The following KIF2A variants were observed in gnomAD, a reference collection of about 807,000 sequenced individuals.
The protein encoded by KIF2A is kinesin family member 2A, also known as kinesin-like protein KIF2A.
Under a neutral mutation model 100.2 loss-of-function variants are expected in KIF2A, and 22 were observed. The ratio of observed to expected loss-of-function variants is 0.22; its 90% confidence interval spans 0.16 to 0.31. KIF2A has a LOEUF of 0.31. Ranked by LOEUF, KIF2A falls within the 10% of genes least tolerant of loss-of-function variation. The pLI, the probability that KIF2A is intolerant of heterozygous loss-of-function variation, is 1.00. For missense variants in KIF2A, 495 were observed against 898.7 expected (o/e 0.55, Z 5.74); for synonymous variants, 268 against 285.9 (o/e 0.94, Z 0.63).
In KIF2A at chr5:62,361,401, T is replaced by C. The variant is rs247265; in HGVS notation, c.964-65T>C. ...TTCTTTTCCTTATAGCTTAATTCTG[T>C]GAACTAAATTCTTAAGAGTTATTCC... On this transcript the variant is annotated intron_variant, in intron 10 of 20. Coordinates refer to ENST00000407818, the MANE Select transcript of KIF2A (RefSeq NM_001098511.3). The C allele has an allele frequency of 0.43, 612,974 of 1,419,922 alleles. 136,462 individuals are homozygous for C. The highest frequency in any genetic ancestry group is 0.64 in the African/African-American group (45,479 of 70,542). The allele number at this position is 1,419,922 out of a possible 1,614,324, so 88.0% of individuals were successfully genotyped here.
In KIF2A at chr5:62,390,774, C is replaced by G. The variant is rs934355822; in HGVS notation, c.*5205C>G. 1.6e-5 allele frequency: 15 copies of G among 925,478 alleles called. No homozygotes were observed. In the African/African-American group the frequency reaches 2.5e-4, roughly 15 times the overall value. The allele number at this position is 925,478 out of a possible 1,614,324, so 57.3% of individuals were successfully genotyped here. On this transcript the variant is annotated 3_prime_UTR_variant, in exon 21 of 21. Transcript: ENST00000407818. ...CATGGAAGTGCTATGCAATAACTCT[C>G]CCAGGTAGCACCTTATACCGCTTAA... is the stretch of plus-strand genomic sequence containing the variant.
At chr5:62,333,748 A>G (rs1035756677) in intron 1 of KIF2A, among the ~76,000 whole-genome samples, 6 of 151,994 alleles carry the variant, frequency 3.9e-5, no homozygotes, top group Admixed American at 6.6e-5. Context: ...TCCTGGGACA[A>G]TTTCCCTGCA....
chr5:62,327,157 A>G (rs1344703003), intron 1 of KIF2A, among the ~76,000 whole-genome samples: 1 of 151,888 alleles, frequency 6.6e-6, no homozygotes, highest in Non-Finnish European at 1.5e-5. Context: ...CTGGTATCTC[A>G]TTTCCCTGAC....
At position 62,358,142 on chromosome 5, in the gene KIF2A, C is replaced by A; in HGVS notation, c.715C>A (p.Gln239Lys). Residue 239 changes from glutamine to lysine, a missense_variant, in exon 9 of 21, where the codon CAA becomes AAA. Physicochemically the swap from Gln to Lys is moderately conservative, Grantham distance 53. Transcript: ENST00000407818. The stretch of plus-strand genomic sequence containing the variant: ...ATTTTCATTTATTCTTTTAGAAACT[C>A]AAATGAAAGATCTTGATGTAATCAC... ...RKRPLNKKETQMKDLDVITIP... is the reference protein window; with the variant it reads ...RKRPLNKKETKMKDLDVITIP... 1 of 1,551,578 alleles carries A rather than the reference C, an allele frequency of 6.4e-7. No homozygotes were observed. The highest frequency in any genetic ancestry group is 1.2e-5 in the South Asian group (1 of 81,630).
rs370680259 is a variant in KIF2A, at chr5:62,333,603, C to CA, written c.65-13522dup. Among the ~76,000 whole-genome samples the CA allele has an allele frequency of 3.6e-3, 555 of 152,270 alleles. 2 individuals are homozygous for CA. Among genetic ancestry groups the CA allele is most frequent in the African/African-American group, 0.012 (485 of 41,538 alleles). On this transcript the variant is annotated intron_variant, in intron 1 of 20. Transcript: ENST00000407818. ...CATCAGCTCCACCCAGTTACACACC[C>CA]AAAAACTGCAACTGCCATACACAAG...
rs374427823 is a variant in KIF2A at position 62,391,016 on chromosome 5, A to G, written c.*5447A>G. 7.7e-6 allele frequency: 12 copies of G among 1,562,868 alleles called. No individual in the cohort carries two copies. The African/African-American group carries it at 8.1e-5, about 11-fold the overall frequency. On this transcript the variant is annotated 3_prime_UTR_variant, in exon 21 of 21. Coordinates refer to ENST00000407818, the MANE Select transcript of KIF2A (RefSeq NM_001098511.3). ...ATAAGATTCAGAATAAATGAACGACATATCTTTAATGAGGTCACCTTGACT... is the reference window on the plus strand; with the variant it reads ...ATAAGATTCAGAATAAATGAACGACGTATCTTTAATGAGGTCACCTTGACT...
chr5:62,313,511 C>T (rs1745657023), intron 1 of KIF2A, among the ~76,000 whole-genome samples: 1 of 152,130 alleles, frequency 6.6e-6, no homozygotes, highest in Non-Finnish European at 1.5e-5. Flanking sequence ...CGCCAACATG[C>T]CCGGCTAATT....
At chr5:62,382,137 A>C (rs758388445) in intron 20 of KIF2A, among the ~76,000 whole-genome samples, 13 of 152,218 alleles carry the variant, frequency 8.5e-5, no homozygotes, top group Admixed American at 2.6e-4. Context: ...GGCAGTAAAT[A>C]AGCTGCTTAA....
chr5:62,312,172 C>T (rs113880396), intron 1 of KIF2A, among the ~76,000 whole-genome samples: 1,617 of 152,284 alleles, frequency 0.011, 17 homozygotes, highest in Non-Finnish European at 0.016. Flanking sequence ...CCAAAAGTAC[C>T]ACAGAAAGCC....
chr5:62,370,775 A>G (rs1741288011), intron 16 of KIF2A, among the ~76,000 whole-genome samples: 1 of 152,190 alleles, frequency 6.6e-6, no homozygotes. Context: ...GGTCTTGGGT[A>G]GAAGAGTGAT....
Position 62,350,713 on chromosome 5 carries a change from A to AC in KIF2A, c.334+599dup, listed in dbSNP as rs1240785528. 6.0e-5 allele frequency among the ~76,000 whole-genome samples: 9 copies of AC among 149,654 alleles called. No homozygotes were observed. In the Admixed American group the frequency reaches 6.0e-4, roughly 10 times the overall value. On this transcript the variant is annotated intron_variant, in intron 4 of 20. Transcript: ENST00000407818. ...GATCACCTGAGGTCAGTAGTTCAAG[A>AC]CCCCCCTGGTCAACATGGTGAAACC...
At chr5:62,326,092 C>T (rs1456471411) in intron 1 of KIF2A, among the ~76,000 whole-genome samples, 1 of 152,068 alleles carries the variant, frequency 6.6e-6, no homozygotes, top group African/African-American at 2.4e-5. Context: ...ACTCATGTAA[C>T]AAACCTGCAT....
intron 1 of KIF2A, among the ~76,000 whole-genome samples, chr5:62,337,149 T>G (rs191981698): frequency 2.0e-5 from 3 of 152,306 alleles, no homozygotes; most frequent in East Asian, 3.9e-4. Context: ...CACCAACTAT[T>G]CTAGAGTACG....
At chr5:62,371,848 T>G (rs929087383) in intron 16 of KIF2A, among the ~76,000 whole-genome samples, 5 of 152,342 alleles carry the variant, frequency 3.3e-5, no homozygotes, top group African/African-American at 9.6e-5. Context: ...AATTTAAATT[T>G]CATTGCTAAA....
At chr5:62,352,879 GT>G (rs551484614) in intron 5 of KIF2A, 169 bp downstream of exon 5, 3 of 519,094 alleles carry the variant, frequency 5.8e-6, no homozygotes, top group Non-Finnish European at 9.6e-6. Flanking sequence ...TGTTAATTGG[GT>G]TTTTTAAAGT....
At chr5:62,380,057 A>T (rs557311970) in intron 19 of KIF2A, among the ~76,000 whole-genome samples, 2 of 152,164 alleles carry the variant, frequency 1.3e-5, no homozygotes, top group South Asian at 4.2e-4. Flanking sequence ...ACGCCTGGCT[A>T]ATTTTTTGTA....
chr5:62,321,277 T>C (rs1239862538), intron 1 of KIF2A, among the ~76,000 whole-genome samples: 1 of 152,240 alleles, frequency 6.6e-6, no homozygotes, highest in Admixed American at 6.5e-5. Flanking sequence ...TTGTGGGTTA[T>C]ACCTAGAAGT....
At chr5:62,320,851 T>C (rs968778572) in intron 1 of KIF2A, among the ~76,000 whole-genome samples, 1 of 152,168 alleles carries the variant, frequency 6.6e-6, no homozygotes, top group Non-Finnish European at 1.5e-5. Context: ...CATGAAGTTG[T>C]ACAATTATTA....
chr5:62,360,501 G>A (rs1311208882), intron 9 of KIF2A, among the ~76,000 whole-genome samples: 5 of 151,966 alleles, frequency 3.3e-5, no homozygotes, highest in African/African-American at 1.2e-4. Context: ...CCTGACCAAC[G>A]TGGTGAAACC....
Sources: allele counts gnomAD v4.1 joint callset (sites outside exome capture counted in the v4.1 genomes callset), GRCh38; gene constraint gnomAD v4.1.1; transcripts MANE v1.5; gene names NCBI Gene and HGNC (gene_info 2026-07-23, HGNC 2026-07-21).